TBC1D2: variants seen among roughly 807,000 people sequenced by gnomAD.
The protein encoded by TBC1D2 is TBC1 domain family member 2A.
In TBC1D2, 58 loss-of-function variants were observed where a neutral mutation model predicts 91.1. The observed-to-expected ratio is 0.64, with a 90% CI of 0.52 to 0.79. The LOEUF (loss-of-function observed/expected upper bound fraction) is 0.79. Ranked by LOEUF, TBC1D2 falls within the 30% of genes least tolerant of loss-of-function variation. TBC1D2 has a pLI of 0.00. For synonymous variants in TBC1D2, 482 were observed against 511.5 expected, an observed-to-expected ratio of 0.94 and a Z score of 0.78; for missense variants, 1,080 against 1,208.3, an observed-to-expected ratio of 0.89 and a Z score of 1.57.
intron 9 of TBC1D2, among the ~76,000 whole-genome samples, chr9:98,203,679 G>C (rs1828572748): frequency 6.6e-6 from 1 of 152,166 alleles, no homozygotes; most frequent in Admixed American, 6.5e-5. Context: ...TGATCTTGTG[G>C]CTTCCTGGGT....
chr9:98,218,793 C>T (rs1368471426), intron 6 of TBC1D2, among the ~76,000 whole-genome samples: 2 of 152,094 alleles, frequency 1.3e-5, no homozygotes, highest in Non-Finnish European at 2.9e-5. Context: ...TGGGCTCAAG[C>T]GATCCTCCCA....
chr9:98,225,882 C>T (rs10123643), intron 5 of TBC1D2, among the ~76,000 whole-genome samples: 36,686 of 152,224 alleles, frequency 0.24, 4,649 homozygotes, highest in Non-Finnish European at 0.28. Flanking sequence ...ACGAAAGCCA[C>T]TGGCAATGGC....
intron 1 of TBC1D2, 112 bp downstream of exon 1, chr9:98,255,061 C>T (rs879194010): frequency 6.8e-7 from 1 of 1,476,262 alleles, no homozygotes; most frequent in Admixed American, 2.3e-5. Context: ...TTGGAACTGT[C>T]GTCACCGACA....
intron 6 of TBC1D2, chr9:98,213,421 C>T (rs1416789349): frequency 7.3e-7 from 1 of 1,378,902 alleles, no homozygotes. Context: ...GGTAAAGGGA[C>T]CAGTAGGTCT....
At chr9:98,207,315 T>C (rs1588030778) in intron 9 of TBC1D2, among the ~76,000 whole-genome samples, 1 of 152,222 alleles carries the variant, frequency 6.6e-6, no homozygotes, top group South Asian at 2.1e-4. Flanking sequence ...AAAAGCAGCA[T>C]GGCTTATGTA....
chr9:98,225,362 T>C (rs1829206262), intron 5 of TBC1D2, among the ~76,000 whole-genome samples: 1 of 152,204 alleles, frequency 6.6e-6, no homozygotes, highest in Admixed American at 6.5e-5. Flanking sequence ...AATGGCTTAA[T>C]GGGTATTGAA....
At chr9:98,223,000 G>A (rs1564245751) in intron 5 of TBC1D2, among the ~76,000 whole-genome samples, 2 of 152,196 alleles carry the variant, frequency 1.3e-5, no homozygotes, top group African/African-American at 2.4e-5. Context: ...AGCACCACTC[G>A]GTGCCAGGCC....
intron 12 of TBC1D2, among the ~76,000 whole-genome samples, chr9:98,199,975 A>G (rs1349135660): frequency 6.6e-6 from 1 of 152,192 alleles, no homozygotes; most frequent in Non-Finnish European, 1.5e-5. Flanking sequence ...GGGTTGTCCT[A>G]GGAACTCGTA....
intron 3 of TBC1D2, among the ~76,000 whole-genome samples, chr9:98,243,012 T>C (rs556256898): frequency 6.6e-6 from 1 of 151,944 alleles, no homozygotes; most frequent in South Asian, 2.1e-4. Flanking sequence ...ACTCCTGGCC[T>C]CAAGTGATCC....
intron 2 of TBC1D2, among the ~76,000 whole-genome samples, chr9:98,245,572 A>T (rs1331776969): frequency 6.7e-6 from 1 of 150,250 alleles, no homozygotes; most frequent in African/African-American, 2.5e-5. Flanking sequence ...GCCTCAAAAG[A>T]AAAAAAAAAT....
At chr9:98,233,993 T>C (rs74917374) in intron 3 of TBC1D2, among the ~76,000 whole-genome samples, 2,626 of 152,332 alleles carry the variant, frequency 0.017, 72 homozygotes, top group African/African-American at 0.06. Flanking sequence ...CATAACTATC[T>C]GGCTCAAAAA....
chr9:98,202,369 C>T (rs3780453), intron 10 of TBC1D2, among the ~76,000 whole-genome samples: 83,249 of 151,970 alleles, frequency 0.55, 23,616 homozygotes, highest in African/African-American at 0.72. Flanking sequence ...GACTCCATTT[C>T]AGTTTCCCCT....
intron 9 of TBC1D2, among the ~76,000 whole-genome samples, chr9:98,208,278 C>T (rs72603687): frequency 0.072 from 10,916 of 152,116 alleles, 458 homozygotes; most frequent in East Asian, 0.14. Context: ...AGAGAGACAG[C>T]AGTGCTCTAA....
chr9:98,212,246 C>A (rs1378097222), intron 7 of TBC1D2, among the ~76,000 whole-genome samples: 1 of 152,184 alleles, frequency 6.6e-6, no homozygotes, highest in Non-Finnish European at 1.5e-5. Context: ...AATCCTTCAG[C>A]TCCCCAGTTT....
rs35195996 is a variant in TBC1D2 at position 98,231,279 on chromosome 9, C to CTTTTTT, written c.781+2131_782-2132dup. On this transcript the variant is annotated intron_variant, in intron 4 of 12. Coordinates refer to ENST00000465784, the MANE Select transcript of TBC1D2 (RefSeq NM_001267571.2). ...GACTCCAACTCCAGCCTCAACTCTGCTTTTTTTTTTTTTTTTTTTTTTTTT... is the reference window on the plus strand; with the variant it reads ...GACTCCAACTCCAGCCTCAACTCTGCTTTTTTTTTTTTTTTTTTTTTTTTTTTTTTT... Among the ~76,000 whole-genome samples the CTTTTTT allele has an allele frequency of 8.0e-4, 61 of 76,688 alleles. 3 individuals are homozygous for CTTTTTT. Among genetic ancestry groups the CTTTTTT allele is most frequent in the African/African-American group, 2.3e-3 (41 of 18,020 alleles). 50.3% of individuals were successfully genotyped at this position (76,688 alleles called of 152,430 possible).
At chr9:98,243,325 C>T (rs933075597) in intron 3 of TBC1D2, among the ~76,000 whole-genome samples, 2 of 151,256 alleles carry the variant, frequency 1.3e-5, no homozygotes, top group South Asian at 4.2e-4. Context: ...AAGAAATATA[C>T]CAAATGCTAA....
At chr9:98,206,194 G>A (rs1828649915) in intron 9 of TBC1D2, among the ~76,000 whole-genome samples, 1 of 151,986 alleles carries the variant, frequency 6.6e-6, no homozygotes, top group Admixed American at 6.6e-5. Flanking sequence ...TTGACCTCGT[G>A]ATCTGCCTGC....
chr9:98,251,770 T>C lies in TBC1D2; in HGVS notation c.511+15A>G. ...AGCCCTGGGTGTGCAGGCAGGAGGG[T>C]AGCCCATTGGGTACCTAGCTCGAGG... On this transcript the variant is annotated intron_variant, in intron 2 of 12. Transcript: ENST00000465784. The C allele has an allele frequency of 6.4e-7, 1 of 1,568,138 alleles. No individual in the cohort carries two copies. The highest frequency in any genetic ancestry group is 2.0e-5 in the Admixed American group (1 of 50,476).
intron 1 of TBC1D2, among the ~76,000 whole-genome samples, chr9:98,253,025 A>G (rs1320828305): frequency 6.6e-6 from 1 of 152,170 alleles, no homozygotes; most frequent in Non-Finnish European, 1.5e-5. Flanking sequence ...AGCACCTCCC[A>G]GGTCTTCCCC....
Sources: gnomAD v4.1 joint callset for allele counts (sites outside exome capture counted in the v4.1 genomes callset) on GRCh38, gnomAD v4.1.1 for gene constraint, MANE v1.5 for transcripts, NCBI Gene and HGNC (gene_info 2026-07-23, HGNC 2026-07-21) for gene names.